Variants in TTC27 observed in about 807,000 individuals in gnomAD.
TTC27 encodes tetratricopeptide repeat protein 27.
TTC27 carries 79 observed loss-of-function variants against 115.9 expected under a neutral mutation model. The observed-to-expected ratio is 0.68, with a 90% CI of 0.57 to 0.82. The LOEUF is 0.82. Among genes scored for constraint, TTC27 ranks in the 40% least tolerant of loss-of-function variants. The pLI, the probability that TTC27 is intolerant of heterozygous loss-of-function variation, is 0.00. For synonymous variants in TTC27, 401 were observed against 356.0 expected, an observed-to-expected ratio of 1.13 and a Z score of -1.42; for missense variants, 1,054 against 993.1, an observed-to-expected ratio of 1.06 and a Z score of -0.82.
At chr2:32,707,926 A>G (rs1213792554) in intron 10 of TTC27, among the ~76,000 whole-genome samples, 1 of 152,058 alleles carries the variant, frequency 6.6e-6, no homozygotes, top group East Asian at 1.9e-4. Flanking sequence ...AGCCTGGAAC[A>G]TCTTGTAGTG....
chr2:32,770,610 A>T (rs1039580510), intron 13 of TTC27, among the ~76,000 whole-genome samples: 2 of 152,212 alleles, frequency 1.3e-5, no homozygotes, highest in African/African-American at 2.4e-5. Flanking sequence ...CATCCAGCAC[A>T]TGTTAGGGAG....
chr2:32,693,043 TAC>T (rs1009632912), intron 9 of TTC27, among the ~76,000 whole-genome samples: 6 of 152,082 alleles, frequency 3.9e-5, no homozygotes, highest in Non-Finnish European at 8.8e-5. Flanking sequence ...AACGGAGTGA[TAC>T]GTCTTGTTCG....
chr2:32,728,996 TAC>T (rs35764233), intron 10 of TTC27, among the ~76,000 whole-genome samples: 33,112 of 150,770 alleles, frequency 0.22, 5,097 homozygotes, highest in African/African-American at 0.44. Flanking sequence ...CATCTTCCTA[TAC>T]ACACACACAC....
intron 10 of TTC27, among the ~76,000 whole-genome samples, chr2:32,733,346 T>C (rs1668354712): frequency 6.6e-6 from 1 of 152,236 alleles, no homozygotes; most frequent in Non-Finnish European, 1.5e-5. Context: ...CTTATTGCTC[T>C]GTTGCTGAAG....
At chr2:32,629,028 G>A (rs1218574652) in intron 1 of TTC27, among the ~76,000 whole-genome samples, 2 of 152,090 alleles carry the variant, frequency 1.3e-5, no homozygotes, top group East Asian at 1.9e-4. Context: ...CCAAAGTGCT[G>A]GGATTACAGG....
intron 13 of TTC27, among the ~76,000 whole-genome samples, chr2:32,758,967 T>C (rs558948197): frequency 6.6e-6 from 1 of 152,274 alleles, no homozygotes; most frequent in South Asian, 2.1e-4. Flanking sequence ...AAAACGTGTA[T>C]TTATATACAC....
chr2:32,729,047 C>G (rs1014798092), intron 10 of TTC27, among the ~76,000 whole-genome samples: 1 of 152,002 alleles, frequency 6.6e-6, no homozygotes, highest in Non-Finnish European at 1.5e-5. Context: ...GCAAAGCCAG[C>G]ATAAAGTGAT....
intron 12 of TTC27, 110 bp downstream of exon 12, chr2:32,736,926 T>G: frequency 7.3e-7 from 1 of 1,361,240 alleles, no homozygotes; most frequent in Non-Finnish European, 9.8e-7. Flanking sequence ...TTATATTCCT[T>G]TTTTCACTTT....
chr2:32,752,635 T>C (rs1301520599), intron 12 of TTC27, among the ~76,000 whole-genome samples: 1 of 152,204 alleles, frequency 6.6e-6, no homozygotes, highest in African/African-American at 2.4e-5. Context: ...AAATCAGCCG[T>C]TCTTTTTGCA....
chr2:32,755,872 AGTT>A (rs1169834896), intron 12 of TTC27, among the ~76,000 whole-genome samples: 3 of 152,184 alleles, frequency 2.0e-5, no homozygotes, highest in Non-Finnish European at 4.4e-5. Context: ...CTTACCTCAC[AGTT>A]GTTGTATTCC....
chr2:32,784,160 G>C (rs921106169), intron 15 of TTC27, among the ~76,000 whole-genome samples: 2 of 152,180 alleles, frequency 1.3e-5, no homozygotes, highest in East Asian at 3.9e-4. Flanking sequence ...ACCCGGATAA[G>C]TTTGTACATA....
rs757387578 is a variant in TTC27, at chr2:32,777,995, T to G, written c.1779+15T>G. Reference sequence around the variant, plus strand: ...TAGAACCCGATGTAAGTTTGTTTGATCTTCTGTCCTTACGTGGCTCTTTAC... The same window carrying G: ...TAGAACCCGATGTAAGTTTGTTTGAGCTTCTGTCCTTACGTGGCTCTTTAC... On this transcript the variant is annotated intron_variant, in intron 14 of 19. Coordinates refer to ENST00000317907, the MANE Select transcript of TTC27 (RefSeq NM_017735.5). The G allele has an allele frequency of 1.2e-6, 2 of 1,613,172 alleles. No homozygotes were observed. The highest frequency in any genetic ancestry group is 4.5e-5 in the East Asian group (2 of 44,862).
intron 13 of TTC27, among the ~76,000 whole-genome samples, chr2:32,773,170 T>C (rs1669884764): frequency 6.6e-6 from 1 of 152,224 alleles, no homozygotes; most frequent in South Asian, 2.1e-4. Flanking sequence ...ATTGGCTCCC[T>C]GAGACAGAAA....
At chr2:32,694,190 TAA>T (rs1220129828) in intron 9 of TTC27, among the ~76,000 whole-genome samples, 1 of 152,182 alleles carries the variant, frequency 6.6e-6, no homozygotes, top group Non-Finnish European at 1.5e-5. Context: ...ATTATTGGAA[TAA>T]AAATATGAAT....
Position 32,664,466 on chromosome 2 carries a change from AG to A in TTC27, c.805+1del. On this transcript the variant is annotated frameshift_variant and splice_region_variant, in exon 6 of 20. Transcript: ENST00000317907. LOFTEE classifies it high-confidence loss of function. The stretch of plus-strand genomic sequence containing the variant: ...TCAGCCAATTACAAATTGATTTGAC[AG>A]GTAAGACTTATTTTTTGTGGATAAT... ...DISQLQIDLT[G>X]ALGKRTRFQE... 6.3e-7 allele frequency: 1 copy of A among 1,595,142 alleles called. No individual in the cohort carries two copies. The highest frequency in any genetic ancestry group is 8.5e-7 in the Non-Finnish European group (1 of 1,175,758).
At chr2:32,799,095 C>T (rs561542175) in intron 16 of TTC27, among the ~76,000 whole-genome samples, 3 of 152,132 alleles carry the variant, frequency 2.0e-5, no homozygotes, top group East Asian at 1.9e-4. Flanking sequence ...AATGGATGAA[C>T]CTGGAGGAGG....
chr2:32,702,820 A>C lies in TTC27; in HGVS notation c.1133A>C (p.Gln378Pro). The C allele has an allele frequency of 6.2e-7, 1 of 1,613,532 alleles. No homozygotes were observed. Among genetic ancestry groups the C allele is most frequent in the Non-Finnish European group, 8.5e-7 (1 of 1,179,772 alleles). ...LLAFTSCLLS[Q>P]PKFWAIQTSA... The stretch of plus-strand genomic sequence containing the variant: ...CGCTTCTATCAGTGTTTGCTTTCAC[A>C]ACCAAAGTTCTGGGCCATTCAGACA... Residue 378 changes from glutamine (Q) to proline (P), a missense_variant, in exon 10 of 20, where the codon CAA becomes CCA. Physicochemically the swap from Gln to Pro is moderately conservative, Grantham distance 76. Transcript: ENST00000317907.
chr2:32,777,934 A>T lies in TTC27; in HGVS notation c.1733A>T (p.Gln578Leu), dbSNP rs1416792046. 1 of 1,613,966 alleles carries T rather than the reference A, an allele frequency of 6.2e-7. No homozygotes were observed. Among genetic ancestry groups the T allele is most frequent in the African/African-American group, 1.3e-5 (1 of 74,904 alleles). The change falls in exon 14 of 20, where the codon CAA becomes CTA. Residue 578 changes from glutamine (Q) to leucine (L), a missense_variant. Transcript: ENST00000317907. ...GCAYLALEDY[Q>L]GSAKAFQRCV... Reference sequence around the variant, plus strand: ...GCCTATTTGGCCTTGGAAGACTATCAAGGTTCAGCAAAGGCATTTCAGCGC... The same window carrying T: ...GCCTATTTGGCCTTGGAAGACTATCTAGGTTCAGCAAAGGCATTTCAGCGC...
chr2:32,799,745 G>T (rs1177684431), intron 16 of TTC27, among the ~76,000 whole-genome samples: 1 of 152,170 alleles, frequency 6.6e-6, no homozygotes, highest in Non-Finnish European at 1.5e-5. Flanking sequence ...ACAGAATAGA[G>T]AATTCAGAAA....
Sources: allele counts gnomAD v4.1 joint callset (sites outside exome capture counted in the v4.1 genomes callset), GRCh38; gene constraint gnomAD v4.1.1; transcripts MANE v1.5; gene names NCBI Gene and HGNC (gene_info 2026-07-23, HGNC 2026-07-21).